The following KCNU1 variants were observed in gnomAD, a reference collection of about 807,000 sequenced individuals.
KCNU1 encodes the protein potassium calcium-activated channel subfamily U member 1, also known as potassium channel subfamily U member 1.
Under a neutral mutation model 126.8 loss-of-function variants are expected in KCNU1, and 93 were observed. The observed-to-expected ratio is 0.73, with a 90% CI of 0.62 to 0.87. The LOEUF (loss-of-function observed/expected upper bound fraction) is 0.87. KCNU1 is among the 40% of genes least tolerant of loss of function. KCNU1 has a pLI of 0.00. For synonymous variants in KCNU1, 523 were observed against 494.2 expected (o/e 1.06, Z -0.77); for missense variants, 1,330 against 1,367.1 (o/e 0.97, Z 0.43).
chr8:36,889,363 C>G, intron 19 of KCNU1: 1 of 429,214 alleles, frequency 2.3e-6, no homozygotes, highest in South Asian at 1.8e-5. Context: ...CTGGCTGCCA[C>G]TTGTCATCAA....
At chr8:36,820,372 C>A (rs1804078108) in intron 10 of KCNU1, among the ~76,000 whole-genome samples, 1 of 151,894 alleles carries the variant, frequency 6.6e-6, no homozygotes, top group Non-Finnish European at 1.5e-5. Flanking sequence ...GAGACAGAGG[C>A]CAGAAGAGTT....
At chr8:36,825,516 A>G (rs1485411719) in intron 10 of KCNU1, among the ~76,000 whole-genome samples, 2 of 151,990 alleles carry the variant, frequency 1.3e-5, no homozygotes, top group East Asian at 3.9e-4. Context: ...CTTCCTTCCT[A>G]TTATGATTTT....
intron 19 of KCNU1, among the ~76,000 whole-genome samples, chr8:36,881,004 A>C (rs1350533138): frequency 1.3e-5 from 2 of 152,060 alleles, no homozygotes; most frequent in Non-Finnish European, 2.9e-5. Flanking sequence ...TATAAAAAAA[A>C]ATAAAAGGAG....
At chr8:36,921,365 G>T (rs773456907) in intron 23 of KCNU1, among the ~76,000 whole-genome samples, 3 of 152,114 alleles carry the variant, frequency 2.0e-5, no homozygotes, top group Non-Finnish European at 4.4e-5. Context: ...TCCTATGGGA[G>T]ACACCATCTC....
In KCNU1 at chr8:36,826,866, A is replaced by G. The variant is rs566008615; in HGVS notation, c.1107-6688A>G. On this transcript the variant is annotated intron_variant, in intron 10 of 26. Coordinates refer to ENST00000399881, the MANE Select transcript of KCNU1 (RefSeq NM_001031836.3). ...CATTAGTTATTTTTGATTCTTTATC[A>G]AACTGTCCTGTTTTTATTTTTATTT... Among the ~76,000 whole-genome samples the G allele has an allele frequency of 4.6e-5, 7 of 152,252 alleles. No individual in the cohort carries two copies. In the South Asian group the frequency reaches 1.2e-3, roughly 27 times the overall value.
At chr8:36,849,395 C>A (rs1051418445) in intron 18 of KCNU1, among the ~76,000 whole-genome samples, 3 of 152,070 alleles carry the variant, frequency 2.0e-5, no homozygotes, top group African/African-American at 7.2e-5. Flanking sequence ...TTGAGACCAG[C>A]CTGGCCAACA....
At chr8:36,810,990 T>A (rs1453342630) in intron 7 of KCNU1, among the ~76,000 whole-genome samples, 1 of 151,986 alleles carries the variant, frequency 6.6e-6, no homozygotes, top group Non-Finnish European at 1.5e-5. Context: ...CCAAAAGATA[T>A]CAGAGAAAAA....
intron 24 of KCNU1, chr8:36,922,923 C>T: frequency 1.9e-6 from 1 of 531,348 alleles, no homozygotes; most frequent in Non-Finnish European, 3.6e-6. Context: ...CAGACCAGGT[C>T]CCTTGGCATC....
intron 24 of KCNU1, among the ~76,000 whole-genome samples, chr8:36,930,567 G>A (rs192087734): frequency 2.4e-4 from 37 of 152,214 alleles, no homozygotes; most frequent in African/African-American, 6.0e-4. Flanking sequence ...TCTACAGAAC[G>A]TCTCAGTAAA....
At chr8:36,903,642 A>G (rs1807508390) in intron 19 of KCNU1, among the ~76,000 whole-genome samples, 1 of 152,170 alleles carries the variant, frequency 6.6e-6, no homozygotes, top group Admixed American at 6.5e-5. Flanking sequence ...TTCCTTTTAT[A>G]TGCTGTTGTC....
chr8:36,868,367 G>A (rs972667562), intron 19 of KCNU1, among the ~76,000 whole-genome samples: 3 of 151,964 alleles, frequency 2.0e-5, no homozygotes, highest in Non-Finnish European at 4.4e-5. Context: ...GAGACTAGTA[G>A]GCATTTTTGG....
chr8:36,879,293 T>C (rs1806390846), intron 19 of KCNU1, among the ~76,000 whole-genome samples: 1 of 148,998 alleles, frequency 6.7e-6, no homozygotes, highest in South Asian at 2.1e-4. Context: ...TTAGGTTATA[T>C]ATATACCCAT....
At chr8:36,796,968 C>G (rs1803123171) in intron 2 of KCNU1, among the ~76,000 whole-genome samples, 1 of 151,946 alleles carries the variant, frequency 6.6e-6, no homozygotes, top group South Asian at 2.1e-4. Flanking sequence ...CTTAAACAAA[C>G]AAATGGGAGA....
At chr8:36,791,726 G>C (rs967019943) in intron 2 of KCNU1, among the ~76,000 whole-genome samples, 2 of 151,888 alleles carry the variant, frequency 1.3e-5, no homozygotes, top group Admixed American at 6.6e-5. Context: ...GCTGTTTTTT[G>C]CTCATTTTCC....
At chr8:36,842,062 A>G (rs1804978305) in intron 16 of KCNU1, among the ~76,000 whole-genome samples, 1 of 152,146 alleles carries the variant, frequency 6.6e-6, no homozygotes, top group Admixed American at 6.5e-5. Context: ...TTTTAGTGAA[A>G]AATTAACTTG....
At position 36,855,606 on chromosome 8, in the gene KCNU1, ACTG is replaced by A. The variant is rs562516442; in HGVS notation, c.1892-8795_1892-8793del. Among the ~76,000 whole-genome samples, 12 of 152,172 alleles carry A rather than the reference ACTG, an allele frequency of 7.9e-5. No individual in the cohort carries two copies. The East Asian group carries it at 2.3e-3, about 29-fold the overall frequency. ...AAATAACACAAATCTTATATCTCTTACTGCTATCTATTTATTTCTCTCGACTAA... is the reference window on the plus strand; with the variant it reads ...AAATAACACAAATCTTATATCTCTTACTATCTATTTATTTCTCTCGACTAA... On this transcript the variant is annotated intron_variant, in intron 18 of 26. Coordinates refer to ENST00000399881, the MANE Select transcript of KCNU1 (RefSeq NM_001031836.3).
At chr8:36,930,877 T>C in intron 24 of KCNU1, 74 bp from the exon 25 acceptor site, 1 of 1,045,074 alleles carries the variant, frequency 9.6e-7, no homozygotes, top group Non-Finnish European at 1.4e-6. Flanking sequence ...CCACTAAATC[T>C]CCAAGCCTTT....
chr8:36,833,404 T>A (rs1200539597), intron 10 of KCNU1, 150 bp from the exon 11 acceptor site: 1 of 441,582 alleles, frequency 2.3e-6, no homozygotes, highest in Non-Finnish European at 4.2e-6. Flanking sequence ...AGTAATTACA[T>A]TTTTTAAAAA....
chr8:36,790,287 TAA>T lies in KCNU1; in HGVS notation c.315+2866_315+2867del, dbSNP rs756096921. 3.2e-4 allele frequency among the ~76,000 whole-genome samples: 49 copies of T among 152,220 alleles called. No homozygotes were observed. The Middle Eastern group carries it at 0.01, about 32-fold the overall frequency. ...TATAACCTCAAGATATGTAAAACATTAAAAAGTTATTTTGATAAATGAAAAAT... is the reference window on the plus strand; with the variant it reads ...TATAACCTCAAGATATGTAAAACATTAAAGTTATTTTGATAAATGAAAAAT... On this transcript the variant is annotated intron_variant, in intron 2 of 26. Coordinates refer to ENST00000399881, the MANE Select transcript of KCNU1 (RefSeq NM_001031836.3).
Sources: gnomAD v4.1 joint callset for allele counts (sites outside exome capture counted in the v4.1 genomes callset) on GRCh38, gnomAD v4.1.1 for gene constraint, MANE v1.5 for transcripts, NCBI Gene and HGNC (gene_info 2026-07-23, HGNC 2026-07-21) for gene names.